The following DCC variants were observed in gnomAD, a reference collection of about 807,000 sequenced individuals.
DCC encodes the protein DCC netrin 1 receptor.
In DCC, 58 loss-of-function variants were observed where a neutral mutation model predicts 172.5. That is an observed-to-expected ratio of 0.34 (90% confidence interval 0.27 to 0.42). The LOEUF is 0.42. Ranked by LOEUF, DCC falls within the 10% of genes least tolerant of loss-of-function variation. The probability of loss-of-function intolerance (pLI) is 1.00; values close to 1 mark genes in which losing one functional copy is unlikely to be tolerated. For missense variants in DCC, 1,740 were observed against 1,791.0 expected, an observed-to-expected ratio of 0.97 and a Z score of 0.51; for synonymous variants, 709 against 644.5, an observed-to-expected ratio of 1.10 and a Z score of -1.52.
chr18:52,357,040 C>A (rs909011718), intron 1 of DCC, among the ~76,000 whole-genome samples: 1 of 152,146 alleles, frequency 6.6e-6, no homozygotes, highest in East Asian at 1.9e-4. Context: ...CCACCTTGGC[C>A]TCCCAAAGTG....
At chr18:52,610,852 A>G (rs67585598) in intron 1 of DCC, among the ~76,000 whole-genome samples, 37,337 of 110,728 alleles carry the variant, frequency 0.34, 5,178 homozygotes, top group Middle Eastern at 0.46. Flanking sequence ...TTACAAATGT[A>G]AAAAAACATT....
intron 3 of DCC, among the ~76,000 whole-genome samples, chr18:52,911,387 AGAT>A (rs200203425): frequency 0.011 from 1,705 of 152,098 alleles, 23 homozygotes; most frequent in African/African-American, 0.037. Context: ...TGATTCCAGT[AGAT>A]GATAAATGCA....
intron 1 of DCC, among the ~76,000 whole-genome samples, chr18:52,585,956 C>A (rs975061981): frequency 1.3e-5 from 2 of 151,568 alleles, no homozygotes; most frequent in African/African-American, 4.8e-5. Context: ...CTTGGCGGGC[C>A]CCTGTAGTCC....
At chr18:52,410,626 T>A (rs1166756680) in intron 1 of DCC, among the ~76,000 whole-genome samples, 1 of 152,138 alleles carries the variant, frequency 6.6e-6, no homozygotes, top group Non-Finnish European at 1.5e-5. Flanking sequence ...CAGGTAGGGA[T>A]GAACAGCTGT....
At chr18:53,373,638 ATTAAC>A in intron 15 of DCC, among the ~76,000 whole-genome samples, 1 of 152,288 alleles carries the variant, frequency 6.6e-6, no homozygotes, top group East Asian at 1.9e-4. Flanking sequence ...TAGAATTATC[ATTAAC>A]TTAATGTCCC....
At chr18:53,356,789 C>T (rs1307465206) in intron 15 of DCC, among the ~76,000 whole-genome samples, 1 of 152,106 alleles carries the variant, frequency 6.6e-6, no homozygotes, top group Non-Finnish European at 1.5e-5. Context: ...GGTATTCTTC[C>T]CCATCAAACT....
intron 25 of DCC, among the ~76,000 whole-genome samples, chr18:53,472,412 T>C (rs561529946): frequency 6.6e-6 from 1 of 152,312 alleles, no homozygotes; most frequent in East Asian, 1.9e-4. Context: ...CTTTCACTAC[T>C]GAGAAAGATA....
rs546843197 is a variant in DCC, at chr18:53,282,467, T to C, written c.1912-23111T>C. On this transcript the variant is annotated intron_variant, in intron 12 of 28. Transcript: ENST00000442544. ...TTTCTGAAGTCAAGATTTAGAAAAT[T>C]AATGATTTGTATAATTCATACGCAA... Among the ~76,000 whole-genome samples the C allele has an allele frequency of 4.9e-4, 75 of 152,190 alleles. 1 individual carries two copies. Among genetic ancestry groups the C allele is most frequent in the Non-Finnish European group, 9.7e-4 (66 of 68,032 alleles).
chr18:53,308,534 C>T (rs904752076), intron 13 of DCC, among the ~76,000 whole-genome samples: 2 of 152,110 alleles, frequency 1.3e-5, no homozygotes, highest in African/African-American at 4.8e-5. Flanking sequence ...ATCTGAATGG[C>T]TTAGAAAGCA....
intron 14 of DCC, among the ~76,000 whole-genome samples, chr18:53,338,342 G>A (rs561739578): frequency 6.6e-4 from 101 of 152,192 alleles, no homozygotes; most frequent in Non-Finnish European, 1.3e-3. Flanking sequence ...GATGGCTCAA[G>A]CCTGTAATCC....
chr18:52,729,425 AATATTTGTAT>A (rs1211417750), intron 1 of DCC, among the ~76,000 whole-genome samples: 2 of 151,896 alleles, frequency 1.3e-5, no homozygotes, highest in African/African-American at 4.8e-5. Context: ...GCACCTGCCT[AATATTTGTAT>A]TTTTGGTAGA....
chr18:52,843,726 CAATT>C (rs559679154), intron 2 of DCC, among the ~76,000 whole-genome samples: 136 of 152,226 alleles, frequency 8.9e-4, no homozygotes, highest in African/African-American at 3.2e-3. Context: ...ACCCCACTAA[CAATT>C]AAACACATGC....
chr18:53,463,799 T>C (rs372946281), intron 24 of DCC, among the ~76,000 whole-genome samples: 1 of 152,334 alleles, frequency 6.6e-6, no homozygotes, highest in East Asian at 1.9e-4. Flanking sequence ...ATATAAGTAC[T>C]TTTCTTGTTT....
intron 21 of DCC, 200 bp downstream of exon 21, chr18:53,416,356 G>A (rs1376002174): frequency 1.4e-6 from 1 of 697,708 alleles, no homozygotes; most frequent in South Asian, 1.5e-5. Flanking sequence ...ATTTTCTTGA[G>A]AGGAAATTGT....
Position 52,454,220 on chromosome 18 carries a change from A to G in DCC, c.91+113342A>G, listed in dbSNP as rs145390164. ...TATCTTGGAATAAAAGAGCTCTAAA[A>G]CAAAAGCAGTAAATTTTGCAAGATC... On this transcript the variant is annotated intron_variant, in intron 1 of 28. Transcript: ENST00000442544. Among the ~76,000 whole-genome samples the G allele has an allele frequency of 3.7e-3, 566 of 152,300 alleles. 7 individuals are homozygous for G. Among genetic ancestry groups the G allele is most frequent in the African/African-American group, 0.013 (546 of 41,564 alleles).
chr18:52,525,181 G>A (rs527848249), intron 1 of DCC, among the ~76,000 whole-genome samples: 1 of 151,972 alleles, frequency 6.6e-6, no homozygotes, highest in Non-Finnish European at 1.5e-5. Flanking sequence ...CTGTCTCTGT[G>A]GTCCTGATTT....
intron 12 of DCC, among the ~76,000 whole-genome samples, chr18:53,304,084 G>T (rs971083914): frequency 2.0e-5 from 3 of 152,038 alleles, no homozygotes; most frequent in Non-Finnish European, 4.4e-5. Context: ...CTGCCACACT[G>T]CTCTTCTGTT....
intron 7 of DCC, among the ~76,000 whole-genome samples, chr18:53,110,002 A>C (rs1195381236): frequency 6.6e-6 from 1 of 151,586 alleles, no homozygotes; most frequent in Non-Finnish European, 1.5e-5. Flanking sequence ...GAAAATGATG[A>C]CGTATTTAAC....
In DCC at chr18:52,355,939, T is replaced by C. The variant is rs895888996; in HGVS notation, c.91+15061T>C. ...CCCTATGTGGACACTGTTCTTTACA[T>C]GTTCAGGCTCTGGAAGACAAAAAAG... On this transcript the variant is annotated intron_variant, in intron 1 of 28. Coordinates refer to ENST00000442544, the MANE Select transcript of DCC (RefSeq NM_005215.4). 4.5e-4 allele frequency among the ~76,000 whole-genome samples: 68 copies of C among 152,202 alleles called. 1 individual carries two copies. The highest frequency in any genetic ancestry group is 1.6e-3 in the African/African-American group (65 of 41,522).
Sources: allele counts gnomAD v4.1 joint callset (sites outside exome capture counted in the v4.1 genomes callset), GRCh38; gene constraint gnomAD v4.1.1; transcripts MANE v1.5; gene names NCBI Gene and HGNC (gene_info 2026-07-23, HGNC 2026-07-21).